RALGDS: variants seen among roughly 807,000 people sequenced by gnomAD.
RALGDS encodes ral guanine nucleotide exchange factor.
Under a neutral mutation model 99.8 loss-of-function variants are expected in RALGDS, and 44 were observed. The ratio of observed to expected loss-of-function variants is 0.44; its 90% CI spans 0.35 to 0.57. RALGDS has a LOEUF of 0.57. Ranked by LOEUF, RALGDS falls within the 20% of genes least tolerant of loss-of-function variation. RALGDS has a pLI of 0.01. For synonymous variants in RALGDS, 529 were observed against 505.0 expected, an observed-to-expected ratio of 1.05 and a Z score of -0.64; for missense variants, 1,022 against 1,203.1, an observed-to-expected ratio of 0.85 and a Z score of 2.23.
At chr9:133,121,793 C>A (rs574287260), upstream of RALGDS, among the ~76,000 whole-genome samples, 237 of 152,340 alleles carry the variant, frequency 1.6e-3, 1 homozygote, top group Non-Finnish European at 2.8e-3. Context: ...GCACTCAGCA[C>A]TGAGCACCTG....
Position 133,098,430 on chromosome 9 carries a change from T to C in RALGDS, c.*157A>G, listed in dbSNP as rs1257727143. The C allele has an allele frequency of 9.0e-6, 7 of 774,994 alleles. No individual in the cohort carries two copies. The African/African-American group carries it at 1.2e-4, about 13-fold the overall frequency. 48.0% of individuals were successfully genotyped at this position (774,994 alleles called of 1,614,324 possible). On this transcript the variant is annotated 3_prime_UTR_variant, in exon 18 of 18. Coordinates refer to ENST00000372050, the MANE Select transcript of RALGDS (RefSeq NM_006266.4). ...CGGGAGGCCAGGTCAGCCTGACCAA[T>C]GGCAGGCGTCAATCCCAGCAGCGGG...
chr9:133,101,764 T>C lies in RALGDS; in HGVS notation c.2212-2A>G. ...TGACTGTGAGGCTGATTCCCAGAAC[T>C]GAGGGAGACGGTAAGATCAGCAGAT... On this transcript the variant is annotated splice_acceptor_variant, in intron 15 of 17. Transcript: ENST00000372050. LOFTEE classifies it high-confidence loss of function. 2.5e-6 allele frequency: 4 copies of C among 1,603,192 alleles called. No homozygotes were observed. Among genetic ancestry groups the C allele is most frequent in the Non-Finnish European group, 3.4e-6 (4 of 1,174,790 alleles).
intron 10 of RALGDS, 34 bp downstream of exon 10, chr9:133,104,228 GC>G (rs765547955): frequency 6.3e-7 from 1 of 1,587,350 alleles, no homozygotes. Flanking sequence ...CCCCAGGCCA[GC>G]CCCCTGCCCC....
rs542681235 is a variant in RALGDS at position 133,143,048 on chromosome 9, T to C, written c.18+5915A>G. 5.3e-5 allele frequency among the ~76,000 whole-genome samples: 8 copies of C among 152,336 alleles called. No individual in the cohort carries two copies. In the East Asian group the frequency reaches 1.5e-3, roughly 29 times the overall value. Reference sequence around the variant, plus strand: ...CTTATCTTGCAGAGTGCTGAGCAGATACAAGGGACACTTTAGCACAAGGCC... The same window carrying C: ...CTTATCTTGCAGAGTGCTGAGCAGACACAAGGGACACTTTAGCACAAGGCC... On this transcript the variant is annotated intron_variant, in intron 1 of 17. Coordinates refer to the RALGDS transcript ENST00000393160.
chr9:133,118,826 G>A lies in RALGDS; in HGVS notation c.183+2146C>T, dbSNP rs146366409. 3.7e-3 allele frequency among the ~76,000 whole-genome samples: 568 copies of A among 152,254 alleles called. 2 individuals are homozygous for A. The highest frequency in any genetic ancestry group is 0.013 in the African/African-American group (520 of 41,556). On this transcript the variant is annotated intron_variant, in intron 1 of 17. Coordinates refer to ENST00000372050, the MANE Select transcript of RALGDS (RefSeq NM_006266.4). The stretch of plus-strand genomic sequence containing the variant: ...CAGCCCATGCTTAAATCCTGGCTGC[G>A]GCCCTTGCTGGCTGCACGGGTGTTT...
intron 15 of RALGDS, 66 bp downstream of exon 15, chr9:133,101,872 G>A (rs1300553986): frequency 3.2e-6 from 5 of 1,551,078 alleles, no homozygotes; most frequent in Non-Finnish European, 4.4e-6. Flanking sequence ...AGGGCTTCCT[G>A]GCCCCATGCA....
intron 17 of RALGDS, chr9:133,099,513 A>G (rs553683050): frequency 6.5e-6 from 1 of 153,108 alleles, no homozygotes; most frequent in East Asian, 1.9e-4. Flanking sequence ...TGGAAAGAAA[A>G]CAGCGATGAT....
In RALGDS at chr9:133,144,275, C is replaced by T. The variant is rs1172706315; in HGVS notation, c.18+4688G>A. Among the ~76,000 whole-genome samples, 1 of 152,182 alleles carries T rather than the reference C, an allele frequency of 6.6e-6. No homozygotes were observed. Among genetic ancestry groups the T allele is most frequent in the Admixed American group, 6.5e-5 (1 of 15,278 alleles). Reference sequence around the variant, plus strand: ...ACCAAACGAAAGGCAAACTCCTGGCCCCTGCAGCCTCGCAGGTCCCCTATC... The same window carrying T: ...ACCAAACGAAAGGCAAACTCCTGGCTCCTGCAGCCTCGCAGGTCCCCTATC... On this transcript the variant is annotated intron_variant, in intron 1 of 17. Transcript: ENST00000393160. The surrounding 1 kb of genome is among the most constrained non-coding windows in gnomAD (Gnocchi z 4.5).
chr9:133,110,126 C>T (rs903647949), intron 3 of RALGDS, among the ~76,000 whole-genome samples, 170 bp downstream of exon 3: 12 of 152,212 alleles, frequency 7.9e-5, no homozygotes, highest in African/African-American at 2.2e-4. Flanking sequence ...CGCCTCATCC[C>T]GCCCAGGCAT....
chr9:133,101,506 C>T lies in RALGDS; in HGVS notation c.2454+14G>A, dbSNP rs1169154115. The T allele has an allele frequency of 3.1e-6, 5 of 1,610,948 alleles. No individual in the cohort carries two copies. In the South Asian group the frequency reaches 4.4e-5, roughly 14 times the overall value. On this transcript the variant is annotated intron_variant, in intron 16 of 17. Coordinates refer to ENST00000372050, the MANE Select transcript of RALGDS (RefSeq NM_006266.4). ...CAGTGGAGGGAGGCACCCAGGCCAC[C>T]CCCGCCGGCTTACCAGGATGCTCTT...
chr9:133,108,136 T>C lies in RALGDS; in HGVS notation c.1049A>G (p.Glu350Gly), dbSNP rs1305137302. Residue 350 changes from glutamate to glycine, a missense_variant, in exon 6 of 18, where the codon GAG becomes GGG. This residue lies in a region of RALGDS where 825 missense variants were observed against 994.5 expected (regional missense o/e 0.83). Transcript: ENST00000372050. ...AACTGGTGCTGGAGCTGGCTCCAGC[T>C]CTAGAGTTTGTGAGGGAGCTGGATC... is the stretch of plus-strand genomic sequence containing the variant. ...EQDPAPSQTL[E>G]LEPAPAPVPS... The C allele has an allele frequency of 1.2e-6, 2 of 1,610,614 alleles. No individual in the cohort carries two copies. The highest frequency in any genetic ancestry group is 1.3e-5 in the African/African-American group (1 of 74,712).
upstream of RALGDS, among the ~76,000 whole-genome samples, chr9:133,121,460 G>A (rs1831945235): frequency 6.6e-6 from 1 of 152,202 alleles, no homozygotes; most frequent in Non-Finnish European, 1.5e-5. Flanking sequence ...CGAGGGGTGC[G>A]CGTTGGCTGG....
chr9:133,118,429 G>A (rs1831729671), intron 1 of RALGDS, among the ~76,000 whole-genome samples: 1 of 152,238 alleles, frequency 6.6e-6, no homozygotes, highest in Non-Finnish European at 1.5e-5. Flanking sequence ...CCTTGGGTCA[G>A]AATCCTGGCC....
rs1831288302 is a variant in RALGDS at position 133,110,483 on chromosome 9, T to C, written c.301A>G (p.Asn101Asp). Reference sequence around the variant, plus strand: ...TCATAAAGGTTCAGGGCCGACTCATTCTCATACTGGGGTGGGACAGAGGAG... The same window carrying C: ...TCATAAAGGTTCAGGGCCGACTCATCCTCATACTGGGGTGGGACAGAGGAG... ...NKGQRWLGYE[N>D]ESALNLYETC... is the part of the protein sequence containing the mutation. Residue 101 changes from asparagine (N) to aspartate (D), a missense_variant, in exon 3 of 18, where the codon AAT (asparagine) becomes GAT (aspartate). This residue lies in a region of RALGDS where 180 missense variants were observed against 169.3 expected (regional missense o/e 1.06). Transcript: ENST00000372050. 1 of 1,611,682 alleles carries C rather than the reference T, an allele frequency of 6.2e-7. No homozygotes were observed. The highest frequency in any genetic ancestry group is 8.5e-7 in the Non-Finnish European group (1 of 1,178,888).
At chr9:133,139,794 T>C (rs1427341735) in intron 1 of RALGDS, among the ~76,000 whole-genome samples, 1 of 152,198 alleles carries the variant, frequency 6.6e-6, no homozygotes, top group African/African-American at 2.4e-5. Flanking sequence ...AGACATTGGC[T>C]GCCATCTGCG....
rs1831885323 is a variant in RALGDS at position 133,120,688 on chromosome 9, G to A, written c.183+284C>T. ...AGTGCCGCAGAAAAAGGTCCACCTG[G>A]GCTGCAGCGGCCTTGGTGACAGCAG... is the stretch of plus-strand genomic sequence containing the variant. On this transcript the variant is annotated intron_variant, in intron 1 of 17. Transcript: ENST00000372050. Among the ~76,000 whole-genome samples the A allele has an allele frequency of 3.9e-5, 6 of 152,324 alleles. No homozygotes were observed. In the South Asian group the frequency reaches 1.2e-3, roughly 32 times the overall value.
upstream of RALGDS, among the ~76,000 whole-genome samples, chr9:133,135,371 C>A (rs1200147663): frequency 6.6e-6 from 1 of 152,234 alleles, no homozygotes; most frequent in Non-Finnish European, 1.5e-5. Context: ...CCGCAGGGCT[C>A]CCCTGCACTG....
At position 133,121,061 on chromosome 9, in the gene RALGDS, C is replaced by A; in HGVS notation, c.94G>T (p.Ala32Ser). ...GSRRSRSVWDAVRLEVGVPDS... is the reference protein window; with the variant it reads ...GSRRSRSVWDSVRLEVGVPDS... ...GGGACGCCCACCTCCAGGCGCACGG[C>A]GTCCCACACGCTGCGGCTCCGCCGG... The change falls in exon 1 of 18, where the codon GCC becomes TCC. Residue 32 changes from alanine (A) to serine (S), a missense_variant. Ala to Ser is a moderately conservative substitution (Grantham distance 99). Transcript: ENST00000372050. 1 of 1,488,376 alleles carries A rather than the reference C, an allele frequency of 6.7e-7. No homozygotes were observed. Among genetic ancestry groups the A allele is most frequent in the South Asian group, 1.3e-5 (1 of 79,472 alleles). The allele number at this position is 1,488,376 out of a possible 1,614,324, so 92.2% of individuals were successfully genotyped here.
Position 133,102,016 on chromosome 9 carries a change from C to T in RALGDS, c.2133G>A (p.Ser711=), listed in dbSNP as rs537897228. The T allele has an allele frequency of 5.8e-5, 90 of 1,553,308 alleles. No individual in the cohort carries two copies. Among genetic ancestry groups the T allele is most frequent in the East Asian group, 3.2e-4 (13 of 41,136 alleles). Residue 711 remains serine (S), a synonymous_variant, in exon 15 of 18, where the codon TCG becomes TCA. Transcript: ENST00000372050. ...GDIADALSVH[S]AGSSSSDVEE... The stretch of plus-strand genomic sequence containing the variant: ...CCACGTCGGAGCTAGAGGAGCCGGC[C>T]GAGTGCACGCTGAGCGCGTCAGCGA...
Sources: allele counts gnomAD v4.1 joint callset (sites outside exome capture counted in the v4.1 genomes callset), GRCh38; gene constraint gnomAD v4.1.1; regional missense constraint gnomAD v4.1.1; non-coding constraint Gnocchi (gnomAD v3.1); transcripts MANE v1.5; gene names NCBI Gene and HGNC (gene_info 2026-07-23, HGNC 2026-07-21).